CAMK1D: variants seen among roughly 807,000 people sequenced by gnomAD.
CAMK1D encodes calcium/calmodulin-dependent protein kinase type 1D.
Under a neutral mutation model 47.7 loss-of-function variants are expected in CAMK1D, and 9 were observed. The observed-to-expected ratio is 0.19, with a 90% CI of 0.11 to 0.33. CAMK1D has a LOEUF of 0.33. Among genes scored for constraint, CAMK1D ranks in the 10% least tolerant of loss-of-function variants. The pLI is 1.00. For synonymous variants in CAMK1D, 184 were observed against 184.9 expected (o/e 0.99, Z 0.04); for missense variants, 291 against 488.7 (o/e 0.60, Z 3.81).
intron 3 of CAMK1D, among the ~76,000 whole-genome samples, chr10:12,684,305 C>T (rs75337282): frequency 0.014 from 2,124 of 152,130 alleles, 50 homozygotes; most frequent in African/African-American, 0.048. Context: ...TGATATCCAA[C>T]GGCGTCTCTG....
intron 2 of CAMK1D, among the ~76,000 whole-genome samples, chr10:12,652,519 C>A (rs1840005928): frequency 6.6e-6 from 1 of 151,166 alleles, no homozygotes; most frequent in South Asian, 2.1e-4. Context: ...CCCCACGAGG[C>A]GGAGCTTGCA....
In CAMK1D at chr10:12,834,657, A is replaced by T. The variant is rs1000832746; in HGVS notation, c.*5770A>T. 6.6e-6 allele frequency: 1 copy of T among 151,980 alleles called. No homozygotes were observed. Among genetic ancestry groups the T allele is most frequent in the Admixed American group, 6.6e-5 (1 of 15,266 alleles). 9.4% of individuals were successfully genotyped at this position (151,980 alleles called of 1,614,324 possible). ...TTATTATGTCTTCTGATGATTTGCC[A>T]TGTTATTTTAAAGGTGATTTTATTT... On this transcript the variant is annotated 3_prime_UTR_variant, in exon 11 of 11. Coordinates refer to ENST00000619168, the MANE Select transcript of CAMK1D (RefSeq NM_153498.4).
At chr10:12,769,940 A>T in intron 5 of CAMK1D, 141 bp downstream of exon 5, 1 of 866,310 alleles carries the variant, frequency 1.2e-6, no homozygotes, top group Non-Finnish European at 1.8e-6. Flanking sequence ...CCCCTGGGGG[A>T]AAGAATAAAA....
intron 2 of CAMK1D, among the ~76,000 whole-genome samples, chr10:12,563,664 T>TGAGAGAGAGGGAGAGAGA (rs1564414370): frequency 7.7e-6 from 1 of 130,048 alleles, no homozygotes; most frequent in Non-Finnish European, 1.6e-5. Context: ...GCGGAAGGTT[T>TGAGAGAGAGGGAGAGAGA]GAGAGAGAGA....
At chr10:12,388,178 C>T (rs1028778696) in intron 1 of CAMK1D, among the ~76,000 whole-genome samples, 6 of 152,066 alleles carry the variant, frequency 3.9e-5, no homozygotes, top group East Asian at 1.9e-4. Context: ...GTGTGTGTGC[C>T]GCCGCACCTG....
intron 1 of CAMK1D, among the ~76,000 whole-genome samples, chr10:12,428,928 A>G (rs186459306): frequency 8.4e-4 from 127 of 152,090 alleles, no homozygotes; most frequent in African/African-American, 2.8e-3. Context: ...GCTCACCAGA[A>G]CCCAACCCTG....
At chr10:12,497,172 G>A (rs1218353684) in intron 1 of CAMK1D, among the ~76,000 whole-genome samples, 5 of 151,978 alleles carry the variant, frequency 3.3e-5, no homozygotes, top group Admixed American at 6.6e-5. Context: ...CATGTCTTTC[G>A]TTAACAGCAT....
chr10:12,548,229 C>G (rs1262907833), intron 1 of CAMK1D, among the ~76,000 whole-genome samples: 1 of 152,114 alleles, frequency 6.6e-6, no homozygotes, highest in African/African-American at 2.4e-5. Flanking sequence ...TGATACATGC[C>G]AAAGTCCTTT....
chr10:12,547,660 T>A (rs1202533859), intron 1 of CAMK1D, among the ~76,000 whole-genome samples: 3 of 50,774 alleles, frequency 5.9e-5, no homozygotes, highest in African/African-American at 1.7e-4. Context: ...AACCCTGCAC[T>A]CTCTCTCTCT....
chr10:12,804,771 CAA>C (rs569089576), intron 6 of CAMK1D, among the ~76,000 whole-genome samples: 12 of 126,202 alleles, frequency 9.5e-5, no homozygotes, highest in South Asian at 2.6e-4. Context: ...CTGTCTGTAC[CAA>C]AAAAAAAAAA....
intron 2 of CAMK1D, among the ~76,000 whole-genome samples, chr10:12,612,060 C>T (rs1436981873): frequency 6.6e-6 from 1 of 152,192 alleles, no homozygotes; most frequent in Admixed American, 6.5e-5. Context: ...TTAGGATGCT[C>T]CTCCCTGGCT....
chr10:12,590,949 T>C (rs1213635580), intron 2 of CAMK1D, among the ~76,000 whole-genome samples: 1 of 152,220 alleles, frequency 6.6e-6, no homozygotes, highest in Non-Finnish European at 1.5e-5. Context: ...AGCTACCTAT[T>C]GTGGTACATT....
At chr10:12,642,214 A>T (rs984497818) in intron 2 of CAMK1D, among the ~76,000 whole-genome samples, 1 of 152,206 alleles carries the variant, frequency 6.6e-6, no homozygotes, top group South Asian at 2.1e-4. Context: ...TGCATTCATC[A>T]CATTTCTATA....
At chr10:12,354,423 T>C (rs1304947051) in intron 1 of CAMK1D, among the ~76,000 whole-genome samples, 1 of 151,708 alleles carries the variant, frequency 6.6e-6, no homozygotes, top group Non-Finnish European at 1.5e-5. Context: ...ATAATTTTCT[T>C]TTCTTTTCTT....
At chr10:12,392,901 C>A (rs1838789950) in intron 1 of CAMK1D, among the ~76,000 whole-genome samples, 1 of 142,238 alleles carries the variant, frequency 7.0e-6, no homozygotes. Flanking sequence ...CTCAATTTTT[C>A]TTCCAAATTT....
At chr10:12,580,551 T>A (rs918077943) in intron 2 of CAMK1D, among the ~76,000 whole-genome samples, 10 of 152,284 alleles carry the variant, frequency 6.6e-5, no homozygotes, top group Non-Finnish European at 8.8e-5. Flanking sequence ...CAAACAGGAC[T>A]TATTAACTAG....
chr10:12,387,971 A>G (rs529688117), intron 1 of CAMK1D, among the ~76,000 whole-genome samples: 2 of 152,218 alleles, frequency 1.3e-5, no homozygotes, highest in South Asian at 4.1e-4. Flanking sequence ...GATGGAGCCC[A>G]CTGTGGGAGG....
chr10:12,554,714 A>T (rs71489180), intron 2 of CAMK1D, among the ~76,000 whole-genome samples: 60,604 of 149,886 alleles, frequency 0.4, 12,438 homozygotes, highest in East Asian at 0.46. Context: ...TTAAAAAAAA[A>T]TTTTTTTTTT....
intron 5 of CAMK1D, among the ~76,000 whole-genome samples, chr10:12,779,651 G>A (rs1411547620): frequency 6.6e-6 from 1 of 152,116 alleles, no homozygotes; most frequent in East Asian, 1.9e-4. Flanking sequence ...GGCTGGTCTT[G>A]AACTCCTGGG....
Sources: gnomAD v4.1 joint callset for allele counts (sites outside exome capture counted in the v4.1 genomes callset) on GRCh38, gnomAD v4.1.1 for gene constraint, MANE v1.5 for transcripts, NCBI Gene and HGNC (gene_info 2026-07-23, HGNC 2026-07-21) for gene names.